Variants in LRRC4C observed in about 807,000 individuals in gnomAD.
LRRC4C encodes the protein leucine rich repeat containing 4C.
Under a neutral mutation model 33.6 loss-of-function variants are expected in LRRC4C, and 5 were observed. That is an observed-to-expected ratio of 0.15 (90% CI 0.08 to 0.31). The LOEUF (loss-of-function observed/expected upper bound fraction) is 0.31. Among genes scored for constraint, LRRC4C ranks in the 10% least tolerant of loss-of-function variants. The probability of loss-of-function intolerance (pLI) is 1.00; values close to 1 mark genes in which losing one functional copy is unlikely to be tolerated. For missense variants in LRRC4C, 560 were observed against 796.7 expected (o/e 0.70, Z 3.58); for synonymous variants, 329 against 302.0 (o/e 1.09, Z -0.93).
intron 3 of LRRC4C, among the ~76,000 whole-genome samples, chr11:40,478,208 C>T (rs1233490430): frequency 6.6e-6 from 1 of 152,154 alleles, no homozygotes; most frequent in Non-Finnish European, 1.5e-5. Flanking sequence ...GTCACTGGTT[C>T]TCTTATTCCC....
intron 1 of LRRC4C, among the ~76,000 whole-genome samples, chr11:41,340,990 T>C (rs149936711): frequency 6.6e-6 from 1 of 152,294 alleles, no homozygotes; most frequent in Non-Finnish European, 1.5e-5. Context: ...CTCCCTGTTT[T>C]CAGTGGATGT....
At chr11:41,220,533 T>TACACACACACAC (rs3067232) in intron 1 of LRRC4C, among the ~76,000 whole-genome samples, 4 of 144,342 alleles carry the variant, frequency 2.8e-5, no homozygotes, top group African/African-American at 1.0e-4. Context: ...CACACAGACA[T>TACACACACACAC]ACACACACAC....
At chr11:41,233,449 A>C (rs2136479973) in intron 1 of LRRC4C, among the ~76,000 whole-genome samples, 1 of 152,160 alleles carries the variant, frequency 6.6e-6, no homozygotes, top group East Asian at 1.9e-4. Context: ...TAATATGAAA[A>C]GCTACATAGT....
intron 3 of LRRC4C, among the ~76,000 whole-genome samples, chr11:40,545,854 A>C (rs1956890965): frequency 6.6e-6 from 1 of 151,944 alleles, no homozygotes; most frequent in South Asian, 2.1e-4. Flanking sequence ...TTGCACTGGA[A>C]ACTTCATCAG....
At chr11:40,580,296 G>T (rs1958412644) in intron 3 of LRRC4C, among the ~76,000 whole-genome samples, 1 of 152,090 alleles carries the variant, frequency 6.6e-6, no homozygotes, top group South Asian at 2.1e-4. Flanking sequence ...CAGCAGGAGA[G>T]AAAAATGAGC....
intron 1 of LRRC4C, among the ~76,000 whole-genome samples, chr11:41,448,697 T>C (rs1247032178): frequency 1.3e-5 from 2 of 152,240 alleles, no homozygotes; most frequent in Non-Finnish European, 2.9e-5. Flanking sequence ...TATACATATT[T>C]TTAAATGACT....
At chr11:40,425,164 G>T (rs976787480) in intron 3 of LRRC4C, among the ~76,000 whole-genome samples, 3 of 151,944 alleles carry the variant, frequency 2.0e-5, no homozygotes, top group Non-Finnish European at 2.9e-5. Flanking sequence ...GTAGGTTTGT[G>T]GGGGATGTTA....
intron 5 of LRRC4C, among the ~76,000 whole-genome samples, chr11:40,218,386 A>G (rs999493727): frequency 6.6e-6 from 1 of 152,180 alleles, no homozygotes; most frequent in African/African-American, 2.4e-5. Context: ...AATGTTGCTC[A>G]ATGTGATGGG....
intron 3 of LRRC4C, among the ~76,000 whole-genome samples, chr11:40,365,450 G>A (rs1399346711): frequency 1.3e-5 from 2 of 151,918 alleles, no homozygotes; most frequent in African/African-American, 2.4e-5. Flanking sequence ...AAAGGTGTTG[G>A]CCTTTATTAA....
intron 1 of LRRC4C, among the ~76,000 whole-genome samples, chr11:41,123,347 A>C (rs1942564330): frequency 1.6e-5 from 2 of 128,768 alleles, no homozygotes; most frequent in Non-Finnish European, 3.1e-5. Flanking sequence ...ATCTCGGCTC[A>C]CTGCAAGCTC....
chr11:40,633,818 T>C (rs1171221843), intron 3 of LRRC4C, among the ~76,000 whole-genome samples: 1 of 152,212 alleles, frequency 6.6e-6, no homozygotes, highest in Non-Finnish European at 1.5e-5. Context: ...TTTTTTATAT[T>C]TATACTTCTA....
At chr11:40,937,446 G>T (rs1403381553) in intron 1 of LRRC4C, among the ~76,000 whole-genome samples, 1 of 151,930 alleles carries the variant, frequency 6.6e-6, no homozygotes, top group Non-Finnish European at 1.5e-5. Context: ...ATCTGCACAT[G>T]CACTTCCATG....
intron 3 of LRRC4C, among the ~76,000 whole-genome samples, chr11:40,474,320 A>T (rs1229976070): frequency 5.9e-5 from 9 of 152,210 alleles, no homozygotes; most frequent in Admixed American, 5.2e-4. Flanking sequence ...TGACAAAAAC[A>T]AGCAATGGGG....
rs533646366 is a variant in LRRC4C, at chr11:41,171,005, G to T, written c.-495-237282C>A. ...GCAGCCAAAAAACACATGAAAAAAT[G>T]CTCATCATCACTGGCCATCAGAGAA... On this transcript the variant is annotated intron_variant, in intron 1 of 6. Coordinates refer to ENST00000528697, the MANE Select transcript of LRRC4C (RefSeq NM_001258419.2). 6.2e-3 allele frequency among the ~76,000 whole-genome samples: 941 copies of T among 152,120 alleles called. 15 individuals carry two copies. Among genetic ancestry groups the T allele is most frequent in the African/African-American group, 0.022 (893 of 41,496 alleles).
At chr11:41,410,402 G>GC (rs1954420054) in intron 1 of LRRC4C, among the ~76,000 whole-genome samples, 1 of 141,290 alleles carries the variant, frequency 7.1e-6, no homozygotes, top group Non-Finnish European at 1.6e-5. Context: ...TAGTGAGAAA[G>GC]TTTTTTTTTT....
intron 2 of LRRC4C, among the ~76,000 whole-genome samples, chr11:40,742,279 CT>C (rs1948195538): frequency 6.6e-6 from 1 of 151,956 alleles, no homozygotes; most frequent in African/African-American, 2.4e-5. Context: ...ACTTTTGCAT[CT>C]GAGAACAGGA....
Position 41,174,515 on chromosome 11 carries a change from A to G in LRRC4C, c.-495-240792T>C, listed in dbSNP as rs553076107. Among the ~76,000 whole-genome samples, 5 of 152,208 alleles carry G rather than the reference A, an allele frequency of 3.3e-5. No individual in the cohort carries two copies. The South Asian group carries it at 6.2e-4, about 19-fold the overall frequency. On this transcript the variant is annotated intron_variant, in intron 1 of 6. Transcript: ENST00000528697. ...TATAAGTCATATTTTGGACTCCCCAATTCAGTGTTTGTTGTCTGGAATCAA... is the reference window on the plus strand; with the variant it reads ...TATAAGTCATATTTTGGACTCCCCAGTTCAGTGTTTGTTGTCTGGAATCAA...
At chr11:40,240,757 T>A (rs1865876506) in intron 5 of LRRC4C, among the ~76,000 whole-genome samples, 2 of 152,168 alleles carry the variant, frequency 1.3e-5, no homozygotes, top group Admixed American at 6.6e-5. Context: ...ATTTATGTGA[T>A]CTGAACATTT....
intron 3 of LRRC4C, among the ~76,000 whole-genome samples, chr11:40,644,503 C>A (rs1942321033): frequency 6.6e-6 from 1 of 152,104 alleles, no homozygotes; most frequent in African/African-American, 2.4e-5. Context: ...ATAATAGCCC[C>A]AAACTAGAAG....
Sources: gnomAD v4.1 joint callset for allele counts (sites outside exome capture counted in the v4.1 genomes callset) on GRCh38, gnomAD v4.1.1 for gene constraint, MANE v1.5 for transcripts, NCBI Gene and HGNC (gene_info 2026-07-23, HGNC 2026-07-21) for gene names.